The following PLCG2 variants were observed in gnomAD, a reference collection of about 807,000 sequenced individuals.
PLCG2 encodes phospholipase C gamma 2.
PLCG2 carries 69 observed loss-of-function variants against 175.6 expected under a neutral mutation model. That is an observed-to-expected ratio of 0.39 (90% CI 0.32 to 0.48). The LOEUF is 0.48. PLCG2 is among the 20% of genes least tolerant of loss of function. The pLI is 0.91. For missense variants in PLCG2, 1,798 were observed against 1,650.9 expected (o/e 1.09, Z -1.54); for synonymous variants, 827 against 624.0 (o/e 1.33, Z -4.85).
chr16:81,834,421 C>A (rs1396784180), intron 2 of PLCG2, among the ~76,000 whole-genome samples: 7 of 152,146 alleles, frequency 4.6e-5, no homozygotes, highest in Admixed American at 4.6e-4. Flanking sequence ...GGGCCTGCAG[C>A]TAGACTGGCA....
intron 1 of PLCG2, among the ~76,000 whole-genome samples, chr16:81,779,945 G>A (rs1910656031): frequency 6.6e-6 from 1 of 152,334 alleles, no homozygotes; most frequent in East Asian, 1.9e-4. Flanking sequence ...TGCCCGCTCC[G>A]CAGCTGTCTG....
intron 1 of PLCG2, among the ~76,000 whole-genome samples, chr16:81,782,903 G>A (rs1317615451): frequency 6.6e-6 from 1 of 152,228 alleles, no homozygotes; most frequent in African/African-American, 2.4e-5. Flanking sequence ...GCCACTGCAG[G>A]TGAGAGTGTA....
Position 81,957,295 on chromosome 16 carries a change from TCAAA to T in PLCG2, c.3755+441_3755+444del, listed in dbSNP as rs140592379. On this transcript the variant is annotated intron_variant, in intron 32 of 32. Transcript: ENST00000564138. ...GCCTGGGCACCAGAGGGAGACTCTG[TCAAA>T]CAAACAAACAAACAAACAAACAAAA... Among the ~76,000 whole-genome samples the T allele has an allele frequency of 1.5e-3, 233 of 151,836 alleles. 1 individual carries two copies. Among genetic ancestry groups the T allele is most frequent in the East Asian group, 3.3e-3 (17 of 5,170 alleles).
At chr16:81,924,948 G>C (rs1333192934) in intron 22 of PLCG2, among the ~76,000 whole-genome samples, 1 of 152,256 alleles carries the variant, frequency 6.6e-6, no homozygotes, top group Non-Finnish European at 1.5e-5. Context: ...GTCTCTTCCA[G>C]GCACACTGGC....
intron 11 of PLCG2, among the ~76,000 whole-genome samples, chr16:81,892,510 G>A (rs1464734127): frequency 1.3e-5 from 2 of 151,174 alleles, no homozygotes; most frequent in Non-Finnish European, 3.0e-5. Context: ...TTATGCTCCA[G>A]GCATTTGGGA....
intron 2 of PLCG2, among the ~76,000 whole-genome samples, chr16:81,764,597 A>C (rs1489046872): frequency 6.6e-6 from 1 of 152,236 alleles, no homozygotes; most frequent in African/African-American, 2.4e-5. Flanking sequence ...CACAGGCTGA[A>C]CACTGGCCAT....
intron 2 of PLCG2, among the ~76,000 whole-genome samples, chr16:81,764,948 G>A (rs1597306710): frequency 6.6e-6 from 1 of 151,864 alleles, no homozygotes; most frequent in African/African-American, 2.4e-5. Context: ...AATTAGCCGG[G>A]CATAGTAGTG....
At chr16:81,800,532 G>A (rs549149796) in intron 2 of PLCG2, among the ~76,000 whole-genome samples, 13 of 152,206 alleles carry the variant, frequency 8.5e-5, no homozygotes, top group South Asian at 6.2e-4. Flanking sequence ...ATGTCCCTGC[G>A]AAGGACACGA....
At chr16:81,831,711 C>G (rs1417306170) in intron 2 of PLCG2, among the ~76,000 whole-genome samples, 1 of 152,138 alleles carries the variant, frequency 6.6e-6, no homozygotes, top group Non-Finnish European at 1.5e-5. Context: ...GCCAGAAGTG[C>G]CTGGGCTAGA....
chr16:81,953,569 T>C (rs1490430572), intron 31 of PLCG2, among the ~76,000 whole-genome samples: 3 of 152,274 alleles, frequency 2.0e-5, no homozygotes, highest in Admixed American at 6.5e-5. Context: ...GTAAAACTTA[T>C]TACCAAAAGC....
Position 81,938,807 on chromosome 16 carries a change from G to A in PLCG2, c.3205G>A (p.Gly1069Ser), listed in dbSNP as rs779506592. 1.2e-6 allele frequency: 2 copies of A among 1,607,232 alleles called. No individual in the cohort carries two copies. Among genetic ancestry groups the A allele is most frequent in the Non-Finnish European group, 8.5e-7 (1 of 1,175,590 alleles). ...CTTCCCTTTGGTGTCCCAGGTTCTC[G>A]GTGCTCGCCATCTCCCCAAACTTGG... ...ILMTLTVKVL[G>S]ARHLPKLGRS... Residue 1069 changes from glycine (G) to serine (S), a missense_variant, in exon 29 of 33, where the codon GGT (glycine) becomes AGT (serine). Coordinates refer to ENST00000564138, the MANE Select transcript of PLCG2 (RefSeq NM_002661.5).
intron 2 of PLCG2, among the ~76,000 whole-genome samples, chr16:81,800,409 C>A (rs1460041637): frequency 1.3e-5 from 2 of 152,158 alleles, no homozygotes; most frequent in African/African-American, 2.4e-5. Context: ...TGTTCTCCTC[C>A]CTGTGTCCAT....
chr16:81,773,639 G>C (rs1219037585), intron 2 of PLCG2, among the ~76,000 whole-genome samples: 1 of 152,148 alleles, frequency 6.6e-6, no homozygotes, highest in South Asian at 2.1e-4. Flanking sequence ...AGCATAACAG[G>C]GTCCGCATGT....
At chr16:81,754,732 G>T (rs936350989) in intron 1 of PLCG2, among the ~76,000 whole-genome samples, 2 of 151,696 alleles carry the variant, frequency 1.3e-5, no homozygotes, top group Non-Finnish European at 2.9e-5. Flanking sequence ...AGTATGTGTG[G>T]GAGGGATCCC....
In PLCG2 at chr16:81,914,794, G is replaced by A. The variant is rs145124299; in HGVS notation, c.2054+2078G>A. The stretch of plus-strand genomic sequence containing the variant: ...GGCTGGGATGTAGTTGGTGGTTGGT[G>A]AATGCTGGCTCAGTGAATCAATCAG... On this transcript the variant is annotated intron_variant, in intron 19 of 32. Coordinates refer to ENST00000564138, the MANE Select transcript of PLCG2 (RefSeq NM_002661.5). 2.6e-3 allele frequency among the ~76,000 whole-genome samples: 395 copies of A among 152,252 alleles called. 2 individuals are homozygous for A. The highest frequency in any genetic ancestry group is 0.01 in the Middle Eastern group (3 of 294).
chr16:81,785,312 G>T (rs1027136804), intron 1 of PLCG2, among the ~76,000 whole-genome samples: 1 of 152,056 alleles, frequency 6.6e-6, no homozygotes, highest in Non-Finnish European at 1.5e-5. Flanking sequence ...TAAAACTGAG[G>T]CACAGAGAGG....
chr16:81,750,253 C>A (rs1909781152), intron 1 of PLCG2, among the ~76,000 whole-genome samples: 1 of 151,786 alleles, frequency 6.6e-6, no homozygotes, highest in Non-Finnish European at 1.5e-5. Flanking sequence ...GCTAAAAATA[C>A]AACAACAACA....
At chr16:81,789,355 A>G (rs1911123982) in intron 2 of PLCG2, among the ~76,000 whole-genome samples, 1 of 152,194 alleles carries the variant, frequency 6.6e-6, no homozygotes, top group Non-Finnish European at 1.5e-5. Flanking sequence ...CAATGGCCTG[A>G]TCATGGTTCA....
chr16:81,811,434 C>T (rs192687300), intron 2 of PLCG2, among the ~76,000 whole-genome samples: 1 of 152,232 alleles, frequency 6.6e-6, no homozygotes, highest in East Asian at 1.9e-4. Context: ...TGATGGATTC[C>T]CTAGGCTGGG....
Sources: allele counts gnomAD v4.1 joint callset (sites outside exome capture counted in the v4.1 genomes callset), GRCh38; gene constraint gnomAD v4.1.1; transcripts MANE v1.5; gene names NCBI Gene and HGNC (gene_info 2026-07-23, HGNC 2026-07-21).